Variants in PRMT3 observed in about 807,000 individuals in gnomAD.
The protein encoded by PRMT3 is protein arginine methyltransferase 3.
A neutral mutation model predicts 71.9 loss-of-function variants in PRMT3; 62 were observed. That is an observed-to-expected ratio of 0.86 (90% CI 0.70 to 1.07). PRMT3 has a LOEUF of 1.07. PRMT3 is among the 50% of genes least tolerant of loss of function. The pLI, the probability that PRMT3 is intolerant of heterozygous loss-of-function variation, is 0.00. For missense variants in PRMT3, 663 were observed against 643.0 expected (o/e 1.03, Z -0.34); for synonymous variants, 213 against 220.4 (o/e 0.97, Z 0.30).
intron 10 of PRMT3, among the ~76,000 whole-genome samples, chr11:20,441,431 G>A (rs1302839408): frequency 7.9e-5 from 12 of 151,736 alleles, no homozygotes; most frequent in Non-Finnish European, 1.8e-4. Context: ...TCAGCTTCCT[G>A]AGTAGCTGGG....
At chr11:20,445,292 T>C (rs1420684548) in intron 10 of PRMT3, among the ~76,000 whole-genome samples, 2 of 152,118 alleles carry the variant, frequency 1.3e-5, no homozygotes, top group Non-Finnish European at 2.9e-5. Flanking sequence ...GTGCAAATAG[T>C]GTATAACAAT....
chr11:20,466,187 C>T (rs1356975884), intron 13 of PRMT3, among the ~76,000 whole-genome samples: 1 of 152,096 alleles, frequency 6.6e-6, no homozygotes, highest in Non-Finnish European at 1.5e-5. Context: ...GAATTTAAAT[C>T]GGTTGGTTTA....
intron 9 of PRMT3, among the ~76,000 whole-genome samples, chr11:20,414,401 G>A (rs1041980243): frequency 2.0e-5 from 3 of 152,034 alleles, no homozygotes; most frequent in Admixed American, 6.6e-5. Flanking sequence ...TGTTAGTAAG[G>A]GCAAATAGGT....
intron 9 of PRMT3, among the ~76,000 whole-genome samples, chr11:20,420,551 G>A (rs189214225): frequency 2.5e-4 from 38 of 152,214 alleles, no homozygotes; most frequent in African/African-American, 7.7e-4. Context: ...GATTGCAGGC[G>A]CTATTGTGAA....
At chr11:20,389,006 T>C (rs544113757) in intron 2 of PRMT3, among the ~76,000 whole-genome samples, 1 of 152,354 alleles carries the variant, frequency 6.6e-6, no homozygotes, top group African/African-American at 2.4e-5. Flanking sequence ...CCTGTATATA[T>C]TCTAGTTGTC....
rs561325655 is a variant in PRMT3 at position 20,458,906 on chromosome 11, A to G, written c.1073-3074A>G. ...GTTTTATTACTTTTAGTAAGTTACAATTTTTTCTTATAAAAAAGTTACCTT... is the reference window on the plus strand; with the variant it reads ...GTTTTATTACTTTTAGTAAGTTACAGTTTTTTCTTATAAAAAAGTTACCTT... On this transcript the variant is annotated intron_variant, in intron 11 of 15. Coordinates refer to ENST00000331079, the MANE Select transcript of PRMT3 (RefSeq NM_005788.4). Among the ~76,000 whole-genome samples the G allele has an allele frequency of 3.3e-5, 5 of 152,176 alleles. No individual in the cohort carries two copies. In the South Asian group the frequency reaches 6.2e-4, roughly 19 times the overall value.
intron 4 of PRMT3, 71 bp from the exon 5 acceptor site, chr11:20,392,826 C>T: frequency 1.0e-6 from 1 of 973,508 alleles, no homozygotes; most frequent in Admixed American, 2.1e-5. Context: ...TGTTTAATTT[C>T]TGTAGTTTTT....
At chr11:20,443,987 T>G (rs1446666816) in intron 10 of PRMT3, among the ~76,000 whole-genome samples, 1 of 152,160 alleles carries the variant, frequency 6.6e-6, no homozygotes, top group Non-Finnish European at 1.5e-5. Flanking sequence ...AGCACGCATA[T>G]AATAGGGACC....
chr11:20,395,957 A>C lies in PRMT3; in HGVS notation c.555A>C (p.Lys185Asn). ...CCAGAGCACGTGAGGATCTGCAAAA[A>C]ATGAAGTAATTTATCAATCTTGCAA... is the stretch of plus-strand genomic sequence containing the variant. ...ALARAREDLQKMKQFAQDFVM... is the reference protein window; with the variant it reads ...ALARAREDLQNMKQFAQDFVM... Residue 185 changes from lysine (K) to asparagine (N), a missense_variant, in exon 6 of 16, where the codon AAA (lysine) becomes AAC (asparagine). Physicochemically the swap from Lys to Asn is moderately conservative, Grantham distance 94. Coordinates refer to ENST00000331079, the MANE Select transcript of PRMT3 (RefSeq NM_005788.4). 6.2e-7 allele frequency: 1 copy of C among 1,609,628 alleles called. No homozygotes were observed. Among genetic ancestry groups the C allele is most frequent in the Non-Finnish European group, 8.5e-7 (1 of 1,178,922 alleles).
chr11:20,469,827 T>C (rs924967709), intron 13 of PRMT3, among the ~76,000 whole-genome samples: 2 of 152,192 alleles, frequency 1.3e-5, no homozygotes, highest in African/African-American at 2.4e-5. Context: ...TATTCTACTT[T>C]TCTATTAGCA....
chr11:20,499,362 C>A (rs1020508259), intron 15 of PRMT3, among the ~76,000 whole-genome samples: 2 of 152,196 alleles, frequency 1.3e-5, no homozygotes, highest in Admixed American at 1.3e-4. Flanking sequence ...TGGTTCATGC[C>A]TGTAATCCCA....
chr11:20,491,944 A>G (rs570063000), intron 13 of PRMT3, among the ~76,000 whole-genome samples: 3 of 152,304 alleles, frequency 2.0e-5, no homozygotes, highest in East Asian at 1.9e-4. Context: ...CAGTTAGTCA[A>G]TGCTTTAATA....
At chr11:20,455,830 C>G (rs1015869609) in intron 11 of PRMT3, among the ~76,000 whole-genome samples, 1 of 151,508 alleles carries the variant, frequency 6.6e-6, no homozygotes, top group Non-Finnish European at 1.5e-5. Flanking sequence ...GTAGCAAATT[C>G]TATTGAGACA....
At chr11:20,469,998 G>T (rs1331513356) in intron 13 of PRMT3, among the ~76,000 whole-genome samples, 3 of 152,018 alleles carry the variant, frequency 2.0e-5, no homozygotes, top group African/African-American at 7.2e-5. Context: ...TAATGAGGGG[G>T]ATATATGTGA....
In PRMT3 at chr11:20,397,622, C is replaced by T. The variant is rs775922668; in HGVS notation, c.606C>T (p.Cys202=). ...TGATGCACACAGATGTCAGAACCTG[C>T]TCGTCATCTACTAGTGTCATTGCGG... ...DFVMHTDVRT[C]SSSTSVIADL... The change falls in exon 7 of 16, where the codon TGC becomes TGT. Residue 202 remains cysteine, a synonymous_variant. Transcript: ENST00000331079. 1.2e-6 allele frequency: 2 copies of T among 1,614,036 alleles called. No individual in the cohort carries two copies. Among genetic ancestry groups the T allele is most frequent in the Admixed American group, 1.7e-5 (1 of 60,004 alleles).
intron 10 of PRMT3, among the ~76,000 whole-genome samples, chr11:20,447,332 TGGGACTGTGGGTTGGGTG>T: frequency 6.6e-6 from 1 of 152,164 alleles, no homozygotes; most frequent in Non-Finnish European, 1.5e-5. Flanking sequence ...TGTTAGAATT[TGGGACTGTGGGTTGGGTG>T]GGGACAATGG....
rs566713279 is a variant in PRMT3 at position 20,395,037 on chromosome 11, A to G, written c.401-766A>G. Among the ~76,000 whole-genome samples, 7 of 152,350 alleles carry G rather than the reference A, an allele frequency of 4.6e-5. No homozygotes were observed. In the South Asian group the frequency reaches 1.0e-3, roughly 23 times the overall value. ...TCTTAGTTCCTCCATAAACAGATAT[A>G]TAACTTTAGGATAGTCACTTAATTT... On this transcript the variant is annotated intron_variant, in intron 5 of 15. Coordinates refer to ENST00000331079, the MANE Select transcript of PRMT3 (RefSeq NM_005788.4).
At chr11:20,407,801 T>G (rs1412800066) in intron 8 of PRMT3, 110 bp from the exon 9 acceptor site, 1 of 1,180,832 alleles carries the variant, frequency 8.5e-7, no homozygotes, top group Non-Finnish European at 1.2e-6. Context: ...TTTCAGATTT[T>G]TATTGTGATC....
At chr11:20,493,791 T>C in intron 13 of PRMT3, 128 bp from the exon 14 acceptor site, 2 of 635,140 alleles carry the variant, frequency 3.1e-6, no homozygotes, top group African/African-American at 1.9e-5. Flanking sequence ...CCAGGAAAAA[T>C]ATTGAGTTTA....
Sources: gnomAD v4.1 joint callset for allele counts (sites outside exome capture counted in the v4.1 genomes callset) on GRCh38, gnomAD v4.1.1 for gene constraint, MANE v1.5 for transcripts, NCBI Gene and HGNC (gene_info 2026-07-23, HGNC 2026-07-21) for gene names.